Variants in ICA1 observed in about 807,000 individuals in gnomAD.
ICA1 encodes the protein islet cell autoantigen 1.
ICA1 carries 40 observed loss-of-function variants against 71.0 expected under a neutral mutation model. That is an observed-to-expected ratio of 0.56 (90% CI 0.44 to 0.73). The LOEUF (loss-of-function observed/expected upper bound fraction) is 0.73. ICA1 is among the 30% of genes least tolerant of loss of function. The probability of loss-of-function intolerance (pLI) is 0.00; values close to 1 mark genes in which losing one functional copy is unlikely to be tolerated. For missense variants in ICA1, 578 were observed against 576.5 expected (o/e 1.00, Z -0.03); for synonymous variants, 207 against 209.5 (o/e 0.99, Z 0.10).
At chr7:8,255,194 C>G (rs1187902177) in intron 1 of ICA1, among the ~76,000 whole-genome samples, 1 of 152,196 alleles carries the variant, frequency 6.6e-6, no homozygotes, top group East Asian at 1.9e-4. Flanking sequence ...AACTCTTTCT[C>G]AGTTCCCATC....
intron 1 of ICA1, among the ~76,000 whole-genome samples, chr7:8,252,051 C>T (rs1808378885): frequency 6.6e-6 from 1 of 151,948 alleles, no homozygotes; most frequent in Admixed American, 6.6e-5. Context: ...AAGTGTAAAA[C>T]AACACTAGAA....
intron 1 of ICA1, among the ~76,000 whole-genome samples, chr7:8,237,336 A>C (rs902986031): frequency 1.3e-5 from 2 of 152,154 alleles, no homozygotes; most frequent in Non-Finnish European, 2.9e-5. Flanking sequence ...AATTTCCAAC[A>C]AATTTTTTCA....
chr7:8,223,272 T>A lies in ICA1; in HGVS notation c.257-1874A>T, dbSNP rs1797660188. Reference sequence around the variant, plus strand: ...TTTTACCTTGAAGTCTCAAGTCACATACAAATGAATGCATTTAGCTTAAGG... The same window carrying A: ...TTTTACCTTGAAGTCTCAAGTCACAAACAAATGAATGCATTTAGCTTAAGG... On this transcript the variant is annotated intron_variant, in intron 4 of 13. Coordinates refer to ENST00000402384, the MANE Select transcript of ICA1 (RefSeq NM_001136020.3). The surrounding 1 kb of genome is among the most constrained non-coding windows in gnomAD (Gnocchi z 4.1). 6.6e-6 allele frequency among the ~76,000 whole-genome samples: 1 copy of A among 152,220 alleles called. No homozygotes were observed. Among genetic ancestry groups the A allele is most frequent in the African/African-American group, 2.4e-5 (1 of 41,460 alleles).
At chr7:8,157,007 G>T in intron 8 of ICA1, 109 bp downstream of exon 8, 1 of 1,599,186 alleles carries the variant, frequency 6.3e-7, no homozygotes, top group Non-Finnish European at 8.5e-7. Context: ...TCTCTCTTCA[G>T]CATTCTGAGT....
chr7:8,210,984 G>A (rs996755752), intron 6 of ICA1, among the ~76,000 whole-genome samples: 6 of 152,138 alleles, frequency 3.9e-5, no homozygotes, highest in Non-Finnish European at 1.5e-5. Context: ...CAGGCACTTT[G>A]GAAGTCACCT....
At chr7:8,209,960 G>C (rs1179956812) in intron 6 of ICA1, among the ~76,000 whole-genome samples, 1 of 152,172 alleles carries the variant, frequency 6.6e-6, no homozygotes, top group Admixed American at 6.5e-5. Flanking sequence ...AATTATTCTA[G>C]AGGGAAGCTG....
rs1584348283 is a variant in ICA1 at position 8,132,373 on chromosome 7, A to T, written c.1061-4231T>A. 6.6e-6 allele frequency among the ~76,000 whole-genome samples: 1 copy of T among 151,490 alleles called. No homozygotes were observed. Among genetic ancestry groups the T allele is most frequent in the South Asian group, 2.1e-4 (1 of 4,756 alleles). ...CAGCCTTCACTTGATGTTGCTCTCC[A>T]CCCTCCCCTCACACTTTCAAGTTAC... is the stretch of plus-strand genomic sequence containing the variant. On this transcript the variant is annotated intron_variant, in intron 12 of 13. Transcript: ENST00000402384. The surrounding 1 kb of genome is among the most constrained non-coding windows in gnomAD (Gnocchi z 4.5).
At chr7:8,135,632 G>C (rs1793140745) in intron 12 of ICA1, among the ~76,000 whole-genome samples, 1 of 152,144 alleles carries the variant, frequency 6.6e-6, no homozygotes, top group Non-Finnish European at 1.5e-5. Flanking sequence ...GACTGCTGTG[G>C]GCTAAAAGTT....
At chr7:8,232,309 C>G (rs1157681609) in intron 3 of ICA1, among the ~76,000 whole-genome samples, 1 of 152,208 alleles carries the variant, frequency 6.6e-6, no homozygotes, top group Non-Finnish European at 1.5e-5. Context: ...CAGCAAGCAG[C>G]AGCTCTTTGA....
chr7:8,161,055 C>T (rs970731889), intron 6 of ICA1, among the ~76,000 whole-genome samples: 3 of 152,080 alleles, frequency 2.0e-5, no homozygotes, highest in Non-Finnish European at 2.9e-5. Context: ...CCTTTTCCTA[C>T]AAAGGGGAAG....
chr7:8,213,040 C>A (rs77056884), intron 6 of ICA1, among the ~76,000 whole-genome samples: 2 of 152,102 alleles, frequency 1.3e-5, no homozygotes, highest in African/African-American at 4.8e-5. Flanking sequence ...CAGCAACCCA[C>A]GGGTGGGGTT....
At chr7:8,229,043 C>T (rs1426892689) in intron 3 of ICA1, among the ~76,000 whole-genome samples, 1 of 152,096 alleles carries the variant, frequency 6.6e-6, no homozygotes, top group East Asian at 1.9e-4. Flanking sequence ...ATTCCTTTCA[C>T]CACTTGCTGT....
intron 1 of ICA1, among the ~76,000 whole-genome samples, chr7:8,244,395 AC>A (rs1401961422): frequency 6.6e-6 from 1 of 152,232 alleles, no homozygotes; most frequent in Non-Finnish European, 1.5e-5. Context: ...TACACTTTAT[AC>A]AAAAATTAAT....
intron 6 of ICA1, among the ~76,000 whole-genome samples, chr7:8,210,550 T>A (rs1024656120): frequency 1.3e-5 from 2 of 152,106 alleles, no homozygotes; most frequent in Admixed American, 6.6e-5. Flanking sequence ...CAGACCACTA[T>A]ATAATTTCCT....
chr7:8,260,231 AT>A (rs1428109172), intron 1 of ICA1, among the ~76,000 whole-genome samples: 1 of 152,186 alleles, frequency 6.6e-6, no homozygotes, highest in Non-Finnish European at 1.5e-5. Context: ...CCTGAAAAAA[AT>A]GTACTATTTA....
At chr7:8,169,008 A>T (rs1474424610) in intron 6 of ICA1, among the ~76,000 whole-genome samples, 4 of 152,226 alleles carry the variant, frequency 2.6e-5, no homozygotes, top group African/African-American at 9.6e-5. Flanking sequence ...GTTGTAGTCA[A>T]TTCCTTCCCT....
At chr7:8,148,000 G>C (rs1797622521) in intron 8 of ICA1, among the ~76,000 whole-genome samples, 2 of 152,146 alleles carry the variant, frequency 1.3e-5, no homozygotes, top group African/African-American at 4.8e-5. Context: ...CATGGTCCCA[G>C]TGTGAATGAC....
At chr7:8,189,018 G>T (rs1319573920) in intron 6 of ICA1, among the ~76,000 whole-genome samples, 3 of 152,168 alleles carry the variant, frequency 2.0e-5, no homozygotes, top group African/African-American at 7.2e-5. Context: ...AGAAATCAGG[G>T]GAGTGAGCCC....
intron 6 of ICA1, among the ~76,000 whole-genome samples, chr7:8,214,703 G>A (rs1300073352): frequency 6.6e-6 from 1 of 152,130 alleles, no homozygotes; most frequent in Non-Finnish European, 1.5e-5. Flanking sequence ...TCTGTCGTCA[G>A]GCCTCTGTGC....
Sources: gnomAD v4.1 joint callset for allele counts (sites outside exome capture counted in the v4.1 genomes callset) on GRCh38, gnomAD v4.1.1 for gene constraint, Gnocchi (gnomAD v3.1) non-coding constraint, MANE v1.5 for transcripts, NCBI Gene and HGNC (gene_info 2026-07-23, HGNC 2026-07-21) for gene names.